Variants in GUCY2C observed in about 807,000 individuals in gnomAD.
GUCY2C encodes guanylyl cyclase C.
GUCY2C carries 118 observed loss-of-function variants against 131.1 expected under a neutral mutation model. The observed-to-expected ratio is 0.90, with a 90% CI of 0.78 to 1.05. GUCY2C has a LOEUF of 1.05. GUCY2C is among the 50% of genes least tolerant of loss of function. The pLI, the probability that GUCY2C is intolerant of heterozygous loss-of-function variation, is 0.00. For synonymous variants in GUCY2C, 452 were observed against 457.8 expected (o/e 0.99, Z 0.16); for missense variants, 1,161 against 1,304.4 (o/e 0.89, Z 1.69).
chr12:14,695,696 G>A (rs1479334843), intron 1 of GUCY2C, among the ~76,000 whole-genome samples: 1 of 151,498 alleles, frequency 6.6e-6, no homozygotes, highest in Admixed American at 6.6e-5. Context: ...ATGTGAAATT[G>A]ACTGTCTTAA....
chr12:14,665,218 GAAAA>G (rs550017739), intron 10 of GUCY2C, among the ~76,000 whole-genome samples: 2 of 85,438 alleles, frequency 2.3e-5, no homozygotes, highest in Non-Finnish European at 4.9e-5. Context: ...TCCGTCTCAG[GAAAA>G]AAAAAAAAAA....
intron 13 of GUCY2C, 59 bp downstream of exon 13, chr12:14,652,893 G>A (rs1947692649): frequency 9.2e-7 from 1 of 1,081,948 alleles, no homozygotes; most frequent in Non-Finnish European, 1.4e-6. Flanking sequence ...AGGGCAATGA[G>A]GGGTCAAAAG....
chr12:14,665,845 A>G (rs926048216), intron 10 of GUCY2C: 3 of 152,218 alleles, frequency 2.0e-5, no homozygotes, highest in Non-Finnish European at 4.4e-5. Flanking sequence ...TCGTATTTCT[A>G]TACTATTTCA....
chr12:14,638,796 A>G (rs1466827781), intron 19 of GUCY2C, among the ~76,000 whole-genome samples: 1 of 152,218 alleles, frequency 6.6e-6, no homozygotes, highest in Non-Finnish European at 1.5e-5. Context: ...TTGATAGCAG[A>G]GTAGGGTGAC....
chr12:14,652,048 A>T lies in GUCY2C; in HGVS notation c.1534-18T>A. On this transcript the variant is annotated intron_variant, in intron 13 of 26. Transcript: ENST00000261170. ...ATCACTCGCTGCAAAAATCAATGAA[A>T]TTTAGGAGACAGTGTTGTGGTGTAA... is the stretch of plus-strand genomic sequence containing the variant. The T allele has an allele frequency of 6.7e-7, 1 of 1,486,918 alleles. No homozygotes were observed. The highest frequency in any genetic ancestry group is 9.4e-7 in the Non-Finnish European group (1 of 1,064,850). 92.1% of individuals were successfully genotyped at this position (1,486,918 alleles called of 1,614,324 possible).
chr12:14,654,557 G>A (rs1180936444), intron 12 of GUCY2C, among the ~76,000 whole-genome samples: 7 of 152,216 alleles, frequency 4.6e-5, no homozygotes, highest in Admixed American at 1.3e-4. Context: ...CATTCATTCC[G>A]ATGAACTAAT....
chr12:14,641,053 A>AG, intron 18 of GUCY2C, 29 bp downstream of exon 18: 1 of 1,609,204 alleles, frequency 6.2e-7, no homozygotes, highest in Non-Finnish European at 8.5e-7. Flanking sequence ...TCACTCCCAG[A>AG]GGGGACACAT....
chr12:14,621,242 C>CCT, intron 22 of GUCY2C, 26 bp from the exon 23 acceptor site: 1 of 1,582,312 alleles, frequency 6.3e-7, no homozygotes, highest in Non-Finnish European at 8.6e-7. Context: ...CTCATGAGTG[C>CCT]CTCTGCCCCT....
At chr12:14,617,411 G>C (rs909812703) in intron 24 of GUCY2C, among the ~76,000 whole-genome samples, 52 of 152,286 alleles carry the variant, frequency 3.4e-4, no homozygotes, top group Middle Eastern at 6.8e-3. Context: ...TTCCAGCTCA[G>C]AGTAGTAGCC....
chr12:14,622,973 A>T (rs1946925526), intron 21 of GUCY2C, among the ~76,000 whole-genome samples: 1 of 152,208 alleles, frequency 6.6e-6, no homozygotes, highest in Non-Finnish European at 1.5e-5. Context: ...GAGGGCTGAC[A>T]TGAAGTGGGA....
At chr12:14,662,563 CT>C (rs1471084844) in intron 10 of GUCY2C, among the ~76,000 whole-genome samples, 1 of 151,154 alleles carries the variant, frequency 6.6e-6, no homozygotes, top group African/African-American at 2.4e-5. Context: ...GTAATCCCAG[CT>C]ATTCGGGAGG....
intron 18 of GUCY2C, 44 bp from the exon 19 acceptor site, chr12:14,639,994 A>G: frequency 8.3e-7 from 1 of 1,209,952 alleles, no homozygotes; most frequent in Non-Finnish European, 1.2e-6. Flanking sequence ...AGAATACAGC[A>G]TGAAGAAATG....
At chr12:14,685,888 T>C (rs1948458691) in intron 3 of GUCY2C, among the ~76,000 whole-genome samples, 1 of 152,228 alleles carries the variant, frequency 6.6e-6, no homozygotes, top group Admixed American at 6.5e-5. Context: ...AATTTCACTG[T>C]CTTTCCTGCT....
chr12:14,684,602 TTCCTTCCTTCCTTCCTTCCTTCC>T (rs1565635484), intron 3 of GUCY2C, among the ~76,000 whole-genome samples: 7,993 of 108,292 alleles, frequency 0.074, 978 homozygotes, highest in African/African-American at 0.12. Flanking sequence ...CCTTCCTTCC[TTCCTTCCTTCCTTCCTTCCTTCC>T]TTCCTTTCCT....
intron 11 of GUCY2C, among the ~76,000 whole-genome samples, chr12:14,658,940 T>C (rs1157263437): frequency 6.6e-6 from 1 of 151,914 alleles, no homozygotes; most frequent in Admixed American, 6.6e-5. Flanking sequence ...TGTGTGCATG[T>C]TCCATTTCTA....
chr12:14,636,112 G>A (rs951967858), intron 19 of GUCY2C, among the ~76,000 whole-genome samples: 6 of 152,030 alleles, frequency 3.9e-5, no homozygotes, highest in Non-Finnish European at 7.4e-5. Context: ...AAGGCCAGCA[G>A]TACCCTCATA....
chr12:14,631,121 A>C (rs780706413), intron 19 of GUCY2C, among the ~76,000 whole-genome samples: 5 of 152,226 alleles, frequency 3.3e-5, no homozygotes, highest in African/African-American at 7.2e-5. Flanking sequence ...GTCTGGCCAT[A>C]AAACTCATCT....
rs558639475 is a variant in GUCY2C, at chr12:14,653,924, A to G, written c.1471-910T>C. Among the ~76,000 whole-genome samples the G allele has an allele frequency of 3.9e-5, 6 of 152,362 alleles. No homozygotes were observed. In the East Asian group the frequency reaches 1.2e-3, roughly 29 times the overall value. On this transcript the variant is annotated intron_variant, in intron 12 of 26. Coordinates refer to ENST00000261170, the MANE Select transcript of GUCY2C (RefSeq NM_004963.4). Reference sequence around the variant, plus strand: ...ACATTAAATGTCACATAAAAAGAGAATGGCAGAACCTAGGCTTGTCTTCTT... The same window carrying G: ...ACATTAAATGTCACATAAAAAGAGAGTGGCAGAACCTAGGCTTGTCTTCTT...
chr12:14,614,065 G>A (rs1946705965), intron 26 of GUCY2C, among the ~76,000 whole-genome samples: 1 of 152,154 alleles, frequency 6.6e-6, no homozygotes, highest in African/African-American at 2.4e-5. Context: ...TCAACAGAAA[G>A]ATGAAGACAG....
Sources: allele counts gnomAD v4.1 joint callset (sites outside exome capture counted in the v4.1 genomes callset), GRCh38; gene constraint gnomAD v4.1.1; transcripts MANE v1.5; gene names NCBI Gene and HGNC (gene_info 2026-07-23, HGNC 2026-07-21).